The following CCSER1 variants were observed in gnomAD, a reference collection of about 807,000 sequenced individuals.
CCSER1 encodes the protein coiled-coil serine rich protein 1, also known as serine-rich coiled-coil domain-containing protein 1.
A neutral mutation model predicts 82.0 loss-of-function variants in CCSER1; 41 were observed. The observed-to-expected ratio is 0.50, with a 90% CI of 0.39 to 0.65. CCSER1 has a LOEUF of 0.65. CCSER1 is among the 30% of genes least tolerant of loss of function. The pLI is 0.00. For synonymous variants in CCSER1, 414 were observed against 383.9 expected, an observed-to-expected ratio of 1.08 and a Z score of -0.92; for missense variants, 1,119 against 1,064.2, an observed-to-expected ratio of 1.05 and a Z score of -0.72.
At chr4:90,982,091 GCTATATTA>G (rs1736163689) in intron 9 of CCSER1, among the ~76,000 whole-genome samples, 1 of 151,802 alleles carries the variant, frequency 6.6e-6, no homozygotes, top group Admixed American at 6.6e-5. Context: ...AGTTCAGGCT[GCTATATTA>G]AAATATCATA....
At chr4:90,516,597 T>C (rs1010403412) in intron 5 of CCSER1, among the ~76,000 whole-genome samples, 1 of 152,188 alleles carries the variant, frequency 6.6e-6, no homozygotes, top group Non-Finnish European at 1.5e-5. Flanking sequence ...CTGCTTTACC[T>C]TCTGCCCTTT....
intron 10 of CCSER1, among the ~76,000 whole-genome samples, chr4:91,343,778 T>A (rs935634865): frequency 2.6e-5 from 4 of 152,086 alleles, no homozygotes; most frequent in Non-Finnish European, 4.4e-5. Flanking sequence ...GACAATACGA[T>A]CTATGTAAAA....
At chr4:90,811,936 T>C (rs961857118) in intron 7 of CCSER1, among the ~76,000 whole-genome samples, 15 of 143,390 alleles carry the variant, frequency 1.0e-4, no homozygotes, top group Middle Eastern at 3.5e-3. Context: ...CACACACACA[T>C]ATATACACTT....
intron 9 of CCSER1, among the ~76,000 whole-genome samples, chr4:90,953,443 T>A (rs1195607088): frequency 6.6e-6 from 1 of 151,632 alleles, no homozygotes; most frequent in African/African-American, 2.4e-5. Context: ...AAATATTTAT[T>A]GAACATTTAC....
chr4:91,455,563 T>G (rs1756118347), intron 10 of CCSER1, among the ~76,000 whole-genome samples: 1 of 151,992 alleles, frequency 6.6e-6, no homozygotes, highest in African/African-American at 2.4e-5. Context: ...ACCTCCTTCT[T>G]GGACTTCCCA....
At chr4:91,593,271 ATATT>A (rs908331043) in intron 10 of CCSER1, among the ~76,000 whole-genome samples, 1 of 152,096 alleles carries the variant, frequency 6.6e-6, no homozygotes, top group Admixed American at 6.6e-5. Flanking sequence ...TCATAGCTTC[ATATT>A]TGCCTTTCTT....
intron 10 of CCSER1, among the ~76,000 whole-genome samples, chr4:91,160,202 A>G (rs1453928209): frequency 5.3e-5 from 8 of 152,134 alleles, no homozygotes; most frequent in Admixed American, 5.2e-4. Flanking sequence ...AGCTTCATCC[A>G]TGTCCCTACA....
At chr4:91,262,346 A>T (rs1214332515) in intron 10 of CCSER1, among the ~76,000 whole-genome samples, 2 of 152,094 alleles carry the variant, frequency 1.3e-5, no homozygotes, top group East Asian at 3.9e-4. Context: ...TATTATTGAA[A>T]TAATAATTTT....
intron 9 of CCSER1, among the ~76,000 whole-genome samples, chr4:90,977,208 G>C (rs561110607): frequency 6.6e-6 from 1 of 151,578 alleles, no homozygotes; most frequent in African/African-American, 2.4e-5. Context: ...TTCGCAGAAA[G>C]ACAGAGGGCA....
intron 9 of CCSER1, among the ~76,000 whole-genome samples, chr4:91,035,312 G>C (rs1327036796): frequency 2.6e-5 from 4 of 152,088 alleles, no homozygotes; most frequent in African/African-American, 9.6e-5. Flanking sequence ...AGATGAATTG[G>C]TCATGAGAAA....
At chr4:91,168,864 C>A (rs1057440991) in intron 10 of CCSER1, among the ~76,000 whole-genome samples, 4 of 152,140 alleles carry the variant, frequency 2.6e-5, no homozygotes, top group Non-Finnish European at 5.9e-5. Context: ...AAGAAAAATT[C>A]TTCTGCCTTG....
At chr4:90,626,299 A>G (rs1344906306) in intron 5 of CCSER1, among the ~76,000 whole-genome samples, 1 of 152,196 alleles carries the variant, frequency 6.6e-6, no homozygotes, top group African/African-American at 2.4e-5. Flanking sequence ...TTCACAACTT[A>G]AAAATGATAC....
At chr4:90,156,248 T>C (rs1275847629) in intron 1 of CCSER1, among the ~76,000 whole-genome samples, 2 of 152,224 alleles carry the variant, frequency 1.3e-5, no homozygotes, top group Non-Finnish European at 2.9e-5. Context: ...CAGTTTGTTA[T>C]AATTTCTGTT....
At chr4:91,478,109 A>G (rs147835845) in intron 10 of CCSER1, among the ~76,000 whole-genome samples, 54 of 151,982 alleles carry the variant, frequency 3.6e-4, no homozygotes, top group Admixed American at 2.2e-3. Flanking sequence ...TATAGAAGTC[A>G]TTGTTCAATG....
chr4:90,847,021 T>A (rs1421130270), intron 8 of CCSER1, among the ~76,000 whole-genome samples: 2 of 152,212 alleles, frequency 1.3e-5, no homozygotes, highest in Non-Finnish European at 2.9e-5. Context: ...GTGTCTTCGT[T>A]CCCTCTGAAA....
At position 91,357,708 on chromosome 4, in the gene CCSER1, C is replaced by T. The variant is rs554689359; in HGVS notation, c.2218-240864C>T. Among the ~76,000 whole-genome samples, 6 of 151,854 alleles carry T rather than the reference C, an allele frequency of 4.0e-5. No homozygotes were observed. In the South Asian group the frequency reaches 1.0e-3, roughly 26 times the overall value. ...CTTTTAAATTATACAACATTTTTTG[C>T]ATACAATTTTTATAACATTTTTTCT... On this transcript the variant is annotated intron_variant, in intron 10 of 10. Coordinates refer to ENST00000509176, the MANE Select transcript of CCSER1 (RefSeq NM_001145065.2).
intron 10 of CCSER1, among the ~76,000 whole-genome samples, chr4:91,311,468 T>C (rs1745473319): frequency 6.6e-6 from 1 of 151,906 alleles, no homozygotes; most frequent in Non-Finnish European, 1.5e-5. Context: ...AGAGACAATA[T>C]TTTTCACAAC....
At chr4:90,642,671 T>C (rs1378168172) in intron 6 of CCSER1, among the ~76,000 whole-genome samples, 1 of 152,144 alleles carries the variant, frequency 6.6e-6, no homozygotes, top group Non-Finnish European at 1.5e-5. Context: ...ATCTCATCTT[T>C]ACTAAAAATA....
At chr4:91,420,589 G>A (rs1753632949) in intron 10 of CCSER1, among the ~76,000 whole-genome samples, 1 of 152,060 alleles carries the variant, frequency 6.6e-6, no homozygotes, top group Non-Finnish European at 1.5e-5. Context: ...ATATGATGTT[G>A]GTAGAAATGT....
Sources: gnomAD v4.1 joint callset for allele counts (sites outside exome capture counted in the v4.1 genomes callset) on GRCh38, gnomAD v4.1.1 for gene constraint, MANE v1.5 for transcripts, NCBI Gene and HGNC (gene_info 2026-07-23, HGNC 2026-07-21) for gene names.